Variants in LRRTM4 observed in about 807,000 individuals in gnomAD.
The protein encoded by LRRTM4 is leucine rich repeat transmembrane neuronal 4, also known as leucine-rich repeat transmembrane neuronal protein 4.
In LRRTM4, 25 loss-of-function variants were observed where a neutral mutation model predicts 47.6. That is an observed-to-expected ratio of 0.53 (90% CI 0.38 to 0.73). LRRTM4 has a LOEUF of 0.73. Among genes scored for constraint, LRRTM4 ranks in the 30% least tolerant of loss-of-function variants. The probability of loss-of-function intolerance (pLI) is 0.00; values close to 1 mark genes in which losing one functional copy is unlikely to be tolerated. For missense variants in LRRTM4, 638 were observed against 713.4 expected (o/e 0.89, Z 1.20); for synonymous variants, 311 against 269.5 (o/e 1.15, Z -1.51).
chr2:77,067,810 T>G (rs985139083), intron 3 of LRRTM4, among the ~76,000 whole-genome samples: 6 of 151,790 alleles, frequency 4.0e-5, no homozygotes, highest in African/African-American at 1.5e-4. Flanking sequence ...TAGCCTCACA[T>G]CAGAAAGTCT....
intron 3 of LRRTM4, among the ~76,000 whole-genome samples, chr2:76,959,855 T>C (rs772485327): frequency 6.6e-6 from 1 of 151,656 alleles, no homozygotes; most frequent in Non-Finnish European, 1.5e-5. Context: ...TGCATTATGA[T>C]TTAAAAACTC....
intron 3 of LRRTM4, among the ~76,000 whole-genome samples, chr2:77,319,204 A>C (rs2104220701): frequency 6.6e-6 from 1 of 152,134 alleles, no homozygotes; most frequent in East Asian, 1.9e-4. Context: ...TGGTCAAAAT[A>C]GTGAAACCTT....
intron 3 of LRRTM4, among the ~76,000 whole-genome samples, chr2:76,751,183 CTAGA>C (rs1442884211): frequency 6.6e-6 from 1 of 152,114 alleles, no homozygotes; most frequent in Non-Finnish European, 1.5e-5. Context: ...TGGCAATAGC[CTAGA>C]TAAATTCCCA....
intron 3 of LRRTM4, among the ~76,000 whole-genome samples, chr2:77,058,675 A>G: frequency 6.6e-6 from 1 of 152,252 alleles, no homozygotes; most frequent in South Asian, 2.1e-4. Context: ...CAGAACATAT[A>G]TTATTACAAT....
chr2:76,750,008 T>C (rs1432724430), intron 3 of LRRTM4, among the ~76,000 whole-genome samples: 2 of 152,214 alleles, frequency 1.3e-5, no homozygotes, highest in African/African-American at 4.8e-5. Flanking sequence ...GTTTGGACTT[T>C]GCAAACCACA....
intron 3 of LRRTM4, among the ~76,000 whole-genome samples, chr2:77,330,749 T>G (rs971339307): frequency 3.9e-4 from 59 of 152,316 alleles, no homozygotes; most frequent in African/African-American, 1.1e-3. Context: ...ATCTTTTTTG[T>G]TGACAAAAGT....
chr2:77,482,614 A>C (rs1047309890), intron 3 of LRRTM4, among the ~76,000 whole-genome samples: 1 of 152,176 alleles, frequency 6.6e-6, no homozygotes, highest in Admixed American at 6.6e-5. Context: ...AGACTGGTAC[A>C]TTTTTAGATA....
intron 3 of LRRTM4, among the ~76,000 whole-genome samples, chr2:77,069,180 GT>G (rs1680064061): frequency 6.6e-6 from 1 of 152,228 alleles, no homozygotes; most frequent in South Asian, 2.1e-4. Context: ...ATTTCTGTGT[GT>G]GTGTCTTTAA....
chr2:77,069,916 A>G (rs553241552), intron 3 of LRRTM4, among the ~76,000 whole-genome samples: 2 of 152,184 alleles, frequency 1.3e-5, no homozygotes, highest in Non-Finnish European at 2.9e-5. Context: ...CAAAGTTGAA[A>G]ACACTTGCCT....
At chr2:76,989,484 T>C (rs1300268385) in intron 3 of LRRTM4, among the ~76,000 whole-genome samples, 5 of 151,894 alleles carry the variant, frequency 3.3e-5, no homozygotes, top group Admixed American at 1.3e-4. Context: ...ATGTTGGATA[T>C]AGTACCAAAA....
intron 3 of LRRTM4, among the ~76,000 whole-genome samples, chr2:77,317,433 T>C (rs1558685590): frequency 6.6e-6 from 1 of 152,252 alleles, no homozygotes; most frequent in Non-Finnish European, 1.5e-5. Flanking sequence ...TCTTGCTTTC[T>C]TTTAGCTTTT....
intron 3 of LRRTM4, among the ~76,000 whole-genome samples, chr2:77,221,521 C>A (rs1189501790): frequency 6.6e-6 from 1 of 152,090 alleles, no homozygotes; most frequent in Non-Finnish European, 1.5e-5. Flanking sequence ...ATCTACCAAG[C>A]AAATGGAAAA....
At chr2:77,105,497 C>T (rs113442145) in intron 3 of LRRTM4, among the ~76,000 whole-genome samples, 3,759 of 106,690 alleles carry the variant, frequency 0.035, 181 homozygotes, top group African/African-American at 0.13. Flanking sequence ...CATCACACAC[C>T]GGGGCCTGTT....
At chr2:77,300,630 G>C (rs1677111081) in intron 3 of LRRTM4, among the ~76,000 whole-genome samples, 3 of 152,128 alleles carry the variant, frequency 2.0e-5, no homozygotes. Flanking sequence ...TGTAAATCAT[G>C]TGTATATAAT....
chr2:76,895,804 A>G (rs747792535), intron 3 of LRRTM4, among the ~76,000 whole-genome samples: 4 of 152,078 alleles, frequency 2.6e-5, no homozygotes, highest in Non-Finnish European at 5.9e-5. Flanking sequence ...GCTAACTTCC[A>G]TGCAGTCTGT....
intron 3 of LRRTM4, among the ~76,000 whole-genome samples, chr2:76,781,047 G>C: frequency 6.6e-6 from 1 of 151,992 alleles, no homozygotes; most frequent in African/African-American, 2.4e-5. Context: ...CCCGTGCTTG[G>C]GGGTGCCTCC....
rs1008553397 is a variant in LRRTM4 at position 76,748,735 on chromosome 2, G to A, written c.1733C>T (p.Ser578Leu). The A allele has an allele frequency of 3.1e-6, 5 of 1,613,138 alleles. No individual in the cohort carries two copies. The highest frequency in any genetic ancestry group is 4.2e-6 in the Non-Finnish European group (5 of 1,179,650). The part of the protein sequence containing the change: ...DHSFIATIAR[S>L]AAPAIYLERI... ...CTCTAGGTAGATGGCCGGTGCTGCCGACCTGGCGATGGTGGCGATGAAGCT... is the reference window on the plus strand; with the variant it reads ...CTCTAGGTAGATGGCCGGTGCTGCCAACCTGGCGATGGTGGCGATGAAGCT... The change falls in exon 4 of 4, where the codon TCG (serine) becomes TTG (leucine). Residue 578 changes from serine (S) to leucine (L), a missense_variant. Ser to Leu is a moderately radical substitution (Grantham distance 145, BLOSUM62 -2). Coordinates refer to ENST00000409884, the MANE Select transcript of LRRTM4 (RefSeq NM_001134745.3).
In LRRTM4 at chr2:77,174,775, A is replaced by T. The variant is rs575982574; in HGVS notation, c.1551+343543T>A. On this transcript the variant is annotated intron_variant, in intron 3 of 3. Transcript: ENST00000409884. The stretch of plus-strand genomic sequence containing the variant: ...CTTGTCATTTAACATTAGGTATATC[A>T]CCTAATGCTATCCCTCCCCCCTCGC... Among the ~76,000 whole-genome samples, 24 of 151,824 alleles carry T rather than the reference A, an allele frequency of 1.6e-4. No homozygotes were observed. The East Asian group carries it at 2.5e-3, about 16-fold the overall frequency.
intron 3 of LRRTM4, among the ~76,000 whole-genome samples, chr2:77,237,707 C>T (rs961588223): frequency 1.3e-5 from 2 of 152,074 alleles, no homozygotes; most frequent in African/African-American, 4.8e-5. Flanking sequence ...GAGAAAGCCT[C>T]GTTTGGTGGA....
Sources: gnomAD v4.1 joint callset for allele counts (sites outside exome capture counted in the v4.1 genomes callset) on GRCh38, gnomAD v4.1.1 for gene constraint, MANE v1.5 for transcripts, NCBI Gene and HGNC (gene_info 2026-07-23, HGNC 2026-07-21) for gene names.